RTTN: variants seen among roughly 807,000 people sequenced by gnomAD.
The protein encoded by RTTN is rotatin.
RTTN carries 182 observed loss-of-function variants against 269.2 expected under a neutral mutation model. That is an observed-to-expected ratio of 0.68 (90% confidence interval 0.60 to 0.76). RTTN has a LOEUF of 0.76. Among genes scored for constraint, RTTN ranks in the 30% least tolerant of loss-of-function variants. The pLI, the probability that RTTN is intolerant of heterozygous loss-of-function variation, is 0.00. For synonymous variants in RTTN, 1,006 were observed against 963.5 expected (o/e 1.04, Z -0.82); for missense variants, 2,545 against 2,608.6 (o/e 0.98, Z 0.53).
intron 40 of RTTN, among the ~76,000 whole-genome samples, chr18:70,031,961 C>T (rs1599182601): frequency 1.3e-5 from 2 of 152,082 alleles, no homozygotes; most frequent in Non-Finnish European, 2.9e-5. Context: ...CCCCACAGGC[C>T]GCTGGAATCC....
chr18:70,092,099 T>C lies in RTTN; in HGVS notation c.4143+11A>G. ...CTAAACACAATACACTTGATTCTCCTTCACACTCACCTCTGGGTCCCGATC... is the reference window on the plus strand; with the variant it reads ...CTAAACACAATACACTTGATTCTCCCTCACACTCACCTCTGGGTCCCGATC... On this transcript the variant is annotated intron_variant, in intron 30 of 48. Transcript: ENST00000640769. The C allele has an allele frequency of 6.4e-7, 1 of 1,556,430 alleles. No homozygotes were observed. Among genetic ancestry groups the C allele is most frequent in the Non-Finnish European group, 8.9e-7 (1 of 1,128,340 alleles).
chr18:70,100,222 T>C (rs898636274), intron 28 of RTTN, among the ~76,000 whole-genome samples: 2 of 152,250 alleles, frequency 1.3e-5, no homozygotes, highest in African/African-American at 4.8e-5. Flanking sequence ...GCATGGAATG[T>C]TCTTCCATTT....
intron 37 of RTTN, among the ~76,000 whole-genome samples, chr18:70,057,432 G>A (rs1207666843): frequency 6.6e-6 from 1 of 152,172 alleles, no homozygotes; most frequent in African/African-American, 2.4e-5. Context: ...AGCAGGAAGT[G>A]AACTATACCA....
chr18:70,170,851 G>A (rs1360846885), intron 11 of RTTN, among the ~76,000 whole-genome samples: 3 of 152,120 alleles, frequency 2.0e-5, no homozygotes, highest in African/African-American at 4.8e-5. Flanking sequence ...GGTATTCAAG[G>A]GAGAAATGAC....
chr18:70,197,589 G>C, intron 6 of RTTN, 35 bp downstream of exon 6: 2 of 1,390,636 alleles, frequency 1.4e-6, no homozygotes, highest in Non-Finnish European at 2.0e-6. Flanking sequence ...AAGTTCTCTA[G>C]TTCAAAATCT....
intron 46 of RTTN, among the ~76,000 whole-genome samples, chr18:70,014,324 G>C (rs1189745460): frequency 6.6e-6 from 1 of 152,104 alleles, no homozygotes; most frequent in Non-Finnish European, 1.5e-5. Context: ...TCTAAATATG[G>C]TATAATTAAA....
chr18:70,064,556 A>G (rs2058082090), intron 35 of RTTN, among the ~76,000 whole-genome samples: 1 of 152,184 alleles, frequency 6.6e-6, no homozygotes, highest in East Asian at 1.9e-4. Flanking sequence ...CCTTGAAAAC[A>G]GCACACTAAG....
At chr18:70,154,065 C>G (rs1243926095) in intron 14 of RTTN, among the ~76,000 whole-genome samples, 1 of 152,048 alleles carries the variant, frequency 6.6e-6, no homozygotes, top group Non-Finnish European at 1.5e-5. Context: ...AAAAAATATT[C>G]TTTCAGTTTA....
At chr18:70,176,152 G>T (rs2061287503) in intron 11 of RTTN, among the ~76,000 whole-genome samples, 1 of 151,062 alleles carries the variant, frequency 6.6e-6, no homozygotes, top group African/African-American at 2.5e-5. Context: ...AACCAAAGAA[G>T]TCAAACATAT....
intron 8 of RTTN, among the ~76,000 whole-genome samples, chr18:70,191,712 G>A (rs1014647066): frequency 8.5e-5 from 13 of 152,318 alleles, no homozygotes; most frequent in Non-Finnish European, 1.9e-4. Flanking sequence ...ACCGAAGCTG[G>A]ATCACAAGAG....
intron 42 of RTTN, among the ~76,000 whole-genome samples, chr18:70,029,778 C>A (rs943385894): frequency 6.6e-6 from 1 of 152,008 alleles, no homozygotes; most frequent in Non-Finnish European, 1.5e-5. Flanking sequence ...GTGGATATTT[C>A]CAATGTTTAT....
intron 4 of RTTN, among the ~76,000 whole-genome samples, chr18:70,201,505 G>A (rs951124558): frequency 6.7e-6 from 1 of 148,456 alleles, no homozygotes; most frequent in Non-Finnish European, 1.5e-5. Flanking sequence ...CTACTTGGGA[G>A]GCTGAGGCAG....
At chr18:70,097,659 T>C (rs1333358327) in intron 28 of RTTN, among the ~76,000 whole-genome samples, 1 of 152,222 alleles carries the variant, frequency 6.6e-6, no homozygotes, top group Non-Finnish European at 1.5e-5. Context: ...AAACATTACA[T>C]AACAGGGACT....
chr18:70,143,870 GT>G (rs1324335189), intron 18 of RTTN, among the ~76,000 whole-genome samples: 21 of 141,356 alleles, frequency 1.5e-4, no homozygotes, highest in Admixed American at 1.4e-3. Flanking sequence ...TTTTTTTTTT[GT>G]TTTTTGAGAC....
In RTTN at chr18:70,092,121, G is replaced by T. The variant is rs367785889; in HGVS notation, c.4132C>A (p.Arg1378=). The change falls in exon 30 of 49, where the codon CGG becomes AGG. Residue 1378 remains arginine (R), a synonymous_variant. Transcript: ENST00000640769. The stretch of plus-strand genomic sequence containing the variant: ...TCCTTCACACTCACCTCTGGGTCCC[G>T]ATCAACCCATAATGGAATCAACCAA... ...LAWLIPLWVD[R]DPEVRFTSLG... 1.2e-6 allele frequency: 2 copies of T among 1,605,492 alleles called. No individual in the cohort carries two copies. The highest frequency in any genetic ancestry group is 1.1e-5 in the South Asian group (1 of 90,814).
At chr18:70,150,540 G>T in intron 15 of RTTN, 68 bp downstream of exon 15, 1 of 1,442,126 alleles carries the variant, frequency 6.9e-7, no homozygotes, top group Non-Finnish European at 9.7e-7. Flanking sequence ...AACTATATTA[G>T]AATATCACCT....
At chr18:70,057,532 G>A (rs895125917) in intron 37 of RTTN, among the ~76,000 whole-genome samples, 1 of 152,194 alleles carries the variant, frequency 6.6e-6, no homozygotes, top group African/African-American at 2.4e-5. Context: ...GTCAAGAATA[G>A]AATCTAGGTC....
intron 5 of RTTN, among the ~76,000 whole-genome samples, chr18:70,198,352 G>C (rs2061863633): frequency 6.6e-6 from 1 of 151,908 alleles, no homozygotes; most frequent in African/African-American, 2.4e-5. Context: ...AGAAATTATC[G>C]CCATCTCTGC....
At chr18:70,133,312 T>A (rs1049432808) in intron 23 of RTTN, among the ~76,000 whole-genome samples, 1 of 152,168 alleles carries the variant, frequency 6.6e-6, no homozygotes, top group Non-Finnish European at 1.5e-5. Context: ...GTGGGGCAGC[T>A]AGTACTTTTC....
Sources: allele counts gnomAD v4.1 joint callset (sites outside exome capture counted in the v4.1 genomes callset), GRCh38; gene constraint gnomAD v4.1.1; transcripts MANE v1.5; gene names NCBI Gene and HGNC (gene_info 2026-07-23, HGNC 2026-07-21).